Variants in UBE2K observed in about 807,000 individuals in gnomAD.
UBE2K encodes ubiquitin-conjugating enzyme E2 K.
In UBE2K, 6 loss-of-function variants were observed where a neutral mutation model predicts 30.0. That is an observed-to-expected ratio of 0.20 (90% confidence interval 0.11 to 0.39). The LOEUF (loss-of-function observed/expected upper bound fraction) is 0.39. Ranked by LOEUF, UBE2K falls within the 10% of genes least tolerant of loss-of-function variation. The pLI is 1.00. For synonymous variants in UBE2K, 86 were observed against 83.7 expected (o/e 1.03, Z -0.15); for missense variants, 61 against 241.6 (o/e 0.25, Z 4.96).
At position 39,782,021 on chromosome 4, in the gene UBE2K, T is replaced by C; in HGVS notation, c.*3587T>C. ...ACGTTCTATTTGCACTGCTGCAATA[T>C]AGATCAAAGATCTTGTGGCATAGGG... On this transcript the variant is annotated 3_prime_UTR_variant, in exon 7 of 7. Transcript: ENST00000261427. The C allele has an allele frequency of 2.5e-6, 1 of 398,346 alleles. No individual in the cohort carries two copies. Among genetic ancestry groups the C allele is most frequent in the East Asian group, 3.6e-5 (1 of 28,056 alleles). 24.7% of individuals were successfully genotyped at this position (398,346 alleles called of 1,614,324 possible).
At position 39,744,875 on chromosome 4, in the gene UBE2K, C is replaced by T. The variant is rs535966235; in HGVS notation, c.158-877C>T. ...TGAGCCGAGATCACGCCACTGCACT[C>T]CGGCCTGGGCAACAGAGCGAGACTC... On this transcript the variant is annotated intron_variant, in intron 2 of 6. Transcript: ENST00000261427. Among the ~76,000 whole-genome samples the T allele has an allele frequency of 4.0e-4, 60 of 149,010 alleles. No homozygotes were observed. In the East Asian group the frequency reaches 0.011, roughly 27 times the overall value.
At position 39,781,630 on chromosome 4, in the gene UBE2K, A is replaced by G; in HGVS notation, c.*3196A>G. ...TAGGAAATTATGAATTTTTGTTGTT[A>G]TTGTTTTAAAGATTTAAGATGGATT... On this transcript the variant is annotated 3_prime_UTR_variant, in exon 7 of 7. Coordinates refer to ENST00000261427, the MANE Select transcript of UBE2K (RefSeq NM_005339.5). The G allele has an allele frequency of 3.5e-6, 1 of 285,524 alleles. No individual in the cohort carries two copies. The allele number at this position is 285,524 out of a possible 1,614,324, so 17.7% of individuals were successfully genotyped here.
intron 3 of UBE2K, among the ~76,000 whole-genome samples, chr4:39,752,902 C>A (rs1721343095): frequency 6.6e-6 from 1 of 151,884 alleles, no homozygotes; most frequent in Non-Finnish European, 1.5e-5. Flanking sequence ...TGCCTGTAAT[C>A]CCAGCAGTTT....
intron 1 of UBE2K, among the ~76,000 whole-genome samples, chr4:39,700,554 C>T (rs1194768182): frequency 1.3e-5 from 2 of 152,016 alleles, no homozygotes; most frequent in African/African-American, 2.4e-5. Flanking sequence ...ATTTTAGTAG[C>T]CCCAGTTCTA....
At chr4:39,708,050 C>G (rs1345233774) in intron 1 of UBE2K, among the ~76,000 whole-genome samples, 1 of 151,980 alleles carries the variant, frequency 6.6e-6, no homozygotes, top group Non-Finnish European at 1.5e-5. Context: ...GCATGCACCA[C>G]CACGCTCAGC....
chr4:39,729,954 C>T (rs1719980297), intron 1 of UBE2K, among the ~76,000 whole-genome samples: 1 of 152,196 alleles, frequency 6.6e-6, no homozygotes, highest in Admixed American at 6.5e-5. Context: ...AAATGTTCTT[C>T]ATAGTATCCT....
chr4:39,767,053 G>A (rs368340119), intron 4 of UBE2K, among the ~76,000 whole-genome samples: 1 of 152,198 alleles, frequency 6.6e-6, no homozygotes, highest in Admixed American at 6.5e-5. Context: ...ATGCGGCCAG[G>A]AGTTTTTAAC....
chr4:39,708,573 T>C (rs1463687741), intron 1 of UBE2K, among the ~76,000 whole-genome samples: 1 of 152,062 alleles, frequency 6.6e-6, no homozygotes, highest in East Asian at 1.9e-4. Context: ...TAGATGTGAG[T>C]ATATATTATG....
In UBE2K at chr4:39,781,564, A is replaced by T. The variant is rs1713612989; in HGVS notation, c.*3130A>T. The T allele has an allele frequency of 5.6e-6, 1 of 178,258 alleles. No individual in the cohort carries two copies. The highest frequency in any genetic ancestry group is 1.2e-5 in the Non-Finnish European group (1 of 85,610). 11.0% of individuals were successfully genotyped at this position (178,258 alleles called of 1,614,324 possible). ...CTGATTTGAGCTTTTAAAACTGTGC[A>T]GTAGGTGTATGGTAATGTTTTACAA... On this transcript the variant is annotated 3_prime_UTR_variant, in exon 7 of 7. Coordinates refer to ENST00000261427, the MANE Select transcript of UBE2K (RefSeq NM_005339.5).
In UBE2K at chr4:39,778,682, C is replaced by A. The variant is rs1328644418; in HGVS notation, c.*248C>A. The A allele has an allele frequency of 2.9e-6, 1 of 342,088 alleles. No individual in the cohort carries two copies. The highest frequency in any genetic ancestry group is 5.4e-6 in the Non-Finnish European group (1 of 186,650). 21.2% of individuals were successfully genotyped at this position (342,088 alleles called of 1,614,324 possible). On this transcript the variant is annotated 3_prime_UTR_variant, in exon 7 of 7. Transcript: ENST00000261427. Reference sequence around the variant, plus strand: ...CTTAATAGTGTAAAAATTCCCTGAGCTAAGCTAAAACCATGGAAGAAACAT... The same window carrying A: ...CTTAATAGTGTAAAAATTCCCTGAGATAAGCTAAAACCATGGAAGAAACAT...
intron 3 of UBE2K, 35 bp from the exon 4 acceptor site, chr4:39,755,622 G>A (rs1314055145): frequency 6.9e-7 from 1 of 1,457,670 alleles, no homozygotes; most frequent in East Asian, 2.3e-5. Context: ...TTTTATTTCT[G>A]TTACTGAAAA....
chr4:39,778,422 T>C lies in UBE2K; in HGVS notation c.591T>C (p.Leu197=). 6.2e-7 allele frequency: 1 copy of C among 1,612,194 alleles called. No homozygotes were observed. ...ATGTAGAGACTGCAACAGAATTGCT[T>C]CTGAGTAACTGAGGCATAGAGAGCT... ...SWDVETATEL[L]LSN The change falls in exon 7 of 7, where the codon CTT becomes CTC. Residue 197 remains leucine, a synonymous_variant. Coordinates refer to ENST00000261427, the MANE Select transcript of UBE2K (RefSeq NM_005339.5).
At chr4:39,770,286 C>G (rs886504684) in intron 4 of UBE2K, 2 of 1,611,292 alleles carry the variant, frequency 1.2e-6, no homozygotes, top group African/African-American at 2.7e-5. Context: ...GCACTTGCCG[C>G]AGATGCCGCA....
chr4:39,771,748 C>A (rs768931837), intron 4 of UBE2K, among the ~76,000 whole-genome samples: 1 of 152,178 alleles, frequency 6.6e-6, no homozygotes. Flanking sequence ...GAAAACTTCC[C>A]AAGGGATGCT....
At chr4:39,777,610 G>T in intron 5 of UBE2K, 72 bp from the exon 6 acceptor site, 1 of 1,313,702 alleles carries the variant, frequency 7.6e-7, no homozygotes, top group Non-Finnish European at 1.0e-6. Flanking sequence ...AGGATTGTAG[G>T]CGATTAAGAG....
intron 4 of UBE2K, among the ~76,000 whole-genome samples, chr4:39,759,476 G>T (rs1711740916): frequency 6.6e-6 from 1 of 152,066 alleles, no homozygotes; most frequent in African/African-American, 2.4e-5. Flanking sequence ...TAGAGACAGG[G>T]TTCCACCGTG....
intron 3 of UBE2K, among the ~76,000 whole-genome samples, chr4:39,753,468 A>G (rs1025688324): frequency 4.6e-5 from 7 of 152,342 alleles, no homozygotes; most frequent in African/African-American, 1.7e-4. Context: ...TATTAAGTGC[A>G]CATTCATTCC....
rs1713518796 is a variant in UBE2K, at chr4:39,780,000, T to C, written c.*1566T>C. The C allele has an allele frequency of 6.6e-6, 1 of 152,182 alleles. No homozygotes were observed. The highest frequency in any genetic ancestry group is 1.5e-5 in the Non-Finnish European group (1 of 68,008). The allele number at this position is 152,182 out of a possible 1,614,324, so 9.4% of individuals were successfully genotyped here. On this transcript the variant is annotated 3_prime_UTR_variant, in exon 7 of 7. Coordinates refer to ENST00000261427, the MANE Select transcript of UBE2K (RefSeq NM_005339.5). The stretch of plus-strand genomic sequence containing the variant: ...ATAAAAGAACCATTATTAAATATAT[T>C]GTAATGTTAAAGATGTGAAGGTTCT...
chr4:39,736,533 T>G (rs753152214), intron 1 of UBE2K, among the ~76,000 whole-genome samples: 14 of 152,348 alleles, frequency 9.2e-5, no homozygotes, highest in Non-Finnish European at 2.1e-4. Flanking sequence ...ACTGTATTTT[T>G]AACATAGGTT....
Sources: gnomAD v4.1 joint callset for allele counts (sites outside exome capture counted in the v4.1 genomes callset) on GRCh38, gnomAD v4.1.1 for gene constraint, MANE v1.5 for transcripts, NCBI Gene and HGNC (gene_info 2026-07-23, HGNC 2026-07-21) for gene names.